The following ATF6 variants were observed in gnomAD, a reference collection of about 807,000 sequenced individuals.
ATF6 encodes cyclic AMP-dependent transcription factor ATF-6 alpha.
Under a neutral mutation model 83.6 loss-of-function variants are expected in ATF6, and 53 were observed. The ratio of observed to expected loss-of-function variants is 0.63; its 90% confidence interval spans 0.51 to 0.80. The LOEUF (loss-of-function observed/expected upper bound fraction) is 0.80. Ranked by LOEUF, ATF6 falls within the 30% of genes least tolerant of loss-of-function variation. The pLI, the probability that ATF6 is intolerant of heterozygous loss-of-function variation, is 0.00. For missense variants in ATF6, 744 were observed against 797.9 expected, an observed-to-expected ratio of 0.93 and a Z score of 0.81; for synonymous variants, 288 against 285.8, an observed-to-expected ratio of 1.01 and a Z score of -0.08.
chr1:161,864,822 A>G (rs547696764), intron 14 of ATF6, among the ~76,000 whole-genome samples: 1 of 152,364 alleles, frequency 6.6e-6, no homozygotes, highest in East Asian at 1.9e-4. Context: ...GTACTGGTCT[A>G]TGAAAACAAA....
intron 15 of ATF6, among the ~76,000 whole-genome samples, chr1:161,951,010 C>T (rs1306848004): frequency 6.6e-6 from 1 of 152,124 alleles, no homozygotes; most frequent in Non-Finnish European, 1.5e-5. Flanking sequence ...AATCTAATAC[C>T]ATTAGTCTTT....
At chr1:161,955,458 A>G (rs997829573) in intron 15 of ATF6, among the ~76,000 whole-genome samples, 6 of 152,184 alleles carry the variant, frequency 3.9e-5, no homozygotes, top group East Asian at 3.8e-4. Context: ...GGTGCATACT[A>G]TATAAACAGA....
intron 4 of ATF6, among the ~76,000 whole-genome samples, chr1:161,790,704 G>A (rs1019681050): frequency 1.6e-4 from 25 of 151,976 alleles, no homozygotes; most frequent in African/African-American, 5.1e-4. Flanking sequence ...GTAGCTACTC[G>A]GGAGGCTAAG....
At chr1:161,820,854 T>C (rs1685738960) in intron 8 of ATF6, among the ~76,000 whole-genome samples, 1 of 151,818 alleles carries the variant, frequency 6.6e-6, no homozygotes, top group Non-Finnish European at 1.5e-5. Context: ...TCTCCTTTTC[T>C]CTCCCTGCTG....
At chr1:161,787,515 T>C (rs955751579) in intron 4 of ATF6, among the ~76,000 whole-genome samples, 10 of 152,298 alleles carry the variant, frequency 6.6e-5, no homozygotes, top group Admixed American at 6.5e-4. Context: ...TGACTCCTCA[T>C]GCCAGGCCGC....
chr1:161,928,259 T>G (rs1688359375), intron 15 of ATF6, among the ~76,000 whole-genome samples: 1 of 152,220 alleles, frequency 6.6e-6, no homozygotes. Context: ...AGCGTATGAC[T>G]AAGTCAAGAC....
intron 14 of ATF6, among the ~76,000 whole-genome samples, chr1:161,890,013 G>T (rs1280987430): frequency 6.6e-6 from 1 of 152,100 alleles, no homozygotes; most frequent in East Asian, 1.9e-4. Context: ...CCCTCATTCT[G>T]TTTCTTTACA....
At chr1:161,816,694 A>G (rs1178772972) in intron 7 of ATF6, among the ~76,000 whole-genome samples, 1 of 152,224 alleles carries the variant, frequency 6.6e-6, no homozygotes, top group Non-Finnish European at 1.5e-5. Context: ...TGCTGCCATT[A>G]TTGCATGTCA....
At chr1:161,775,289 T>G (rs1684488453) in intron 1 of ATF6, among the ~76,000 whole-genome samples, 1 of 152,222 alleles carries the variant, frequency 6.6e-6, no homozygotes, top group African/African-American at 2.4e-5. Flanking sequence ...TTGTATTTTA[T>G]TGCTATTTTG....
intron 14 of ATF6, among the ~76,000 whole-genome samples, chr1:161,886,053 G>A (rs1392053810): frequency 6.6e-6 from 1 of 152,188 alleles, no homozygotes; most frequent in Non-Finnish European, 1.5e-5. Context: ...GGAGGAGGTA[G>A]TATCAAATTT....
chr1:161,888,585 T>G (rs1435116410), intron 14 of ATF6, among the ~76,000 whole-genome samples: 1 of 152,170 alleles, frequency 6.6e-6, no homozygotes, highest in Non-Finnish European at 1.5e-5. Flanking sequence ...AATTCTACCT[T>G]TTCTCATTTC....
chr1:161,792,462 G>A (rs1684906523), intron 6 of ATF6, 135 bp downstream of exon 6: 12 of 838,270 alleles, frequency 1.4e-5, no homozygotes, highest in Middle Eastern at 2.3e-4. Context: ...TTATGAGGAC[G>A]TTGCAGAGAT....
intron 6 of ATF6, 140 bp from the exon 7 acceptor site, chr1:161,801,912 T>G (rs1159425568): frequency 2.9e-6 from 2 of 698,324 alleles, no homozygotes; most frequent in Non-Finnish European, 4.8e-6. Flanking sequence ...CTGCTATTGA[T>G]CCAATGTTTT....
chr1:161,952,318 T>C (rs1688881799), intron 15 of ATF6, among the ~76,000 whole-genome samples: 1 of 152,124 alleles, frequency 6.6e-6, no homozygotes, highest in Admixed American at 6.6e-5. Flanking sequence ...TGTGTGCAAC[T>C]CTTCCCCCTT....
intron 14 of ATF6, among the ~76,000 whole-genome samples, chr1:161,872,341 T>G (rs973435651): frequency 6.6e-6 from 1 of 151,682 alleles, no homozygotes; most frequent in South Asian, 2.1e-4. Context: ...TATCCAAATA[T>G]CATATCTTTG....
chr1:161,782,402 C>G (rs767516308), intron 3 of ATF6, among the ~76,000 whole-genome samples: 2 of 152,132 alleles, frequency 1.3e-5, no homozygotes, highest in Non-Finnish European at 2.9e-5. Flanking sequence ...AGGGGCAGCA[C>G]CTGGCTGATA....
In ATF6 at chr1:161,791,525, A is replaced by G. The variant is rs1188917275; in HGVS notation, c.472A>G (p.Arg158Gly). Residue 158 changes from arginine to glycine, a missense_variant, in exon 5 of 16, where the codon AGG (arginine) becomes GGG (glycine). By Grantham distance (125) the Arg-to-Gly change is moderately radical. Transcript: ENST00000367942. The part of the protein sequence containing the change: ...LKEDKPVTGP[R>G]NKTENGLTPK... ...GGAAGATAAGCCTGTCACTGGTCCT[A>G]GGAACAAGACTGGTATTACTCTATC... 15 of 1,610,006 alleles carry G rather than the reference A, an allele frequency of 9.3e-6. No individual in the cohort carries two copies. The East Asian group carries it at 3.1e-4, about 34-fold the overall frequency.
intron 15 of ATF6, among the ~76,000 whole-genome samples, chr1:161,951,899 A>G (rs1324186645): frequency 6.6e-6 from 1 of 152,064 alleles, no homozygotes; most frequent in Non-Finnish European, 1.5e-5. Context: ...CCTTTAGGCA[A>G]TCCTCCCTCT....
At chr1:161,853,132 A>G (rs1472647246) in intron 11 of ATF6, 92 bp from the exon 12 acceptor site, 8 of 920,552 alleles carry the variant, frequency 8.7e-6, no homozygotes, top group Non-Finnish European at 1.3e-5. Context: ...GGAACCTACA[A>G]ATGATTAGAT....
Sources: allele counts gnomAD v4.1 joint callset (sites outside exome capture counted in the v4.1 genomes callset), GRCh38; gene constraint gnomAD v4.1.1; transcripts MANE v1.5; gene names NCBI Gene and HGNC (gene_info 2026-07-23, HGNC 2026-07-21).